The following B4GALNT3 variants were observed in gnomAD, a reference collection of about 807,000 sequenced individuals.
The protein encoded by B4GALNT3 is beta-1,4-N-acetyl-galactosaminyltransferase 3.
A neutral mutation model predicts 120.2 loss-of-function variants in B4GALNT3; 86 were observed. The observed-to-expected ratio is 0.72, with a 90% CI of 0.60 to 0.86. The LOEUF (loss-of-function observed/expected upper bound fraction) is 0.86. Ranked by LOEUF, B4GALNT3 falls within the 40% of genes least tolerant of loss-of-function variation. The pLI is 0.00. For synonymous variants in B4GALNT3, 518 were observed against 510.4 expected, an observed-to-expected ratio of 1.01 and a Z score of -0.20; for missense variants, 1,167 against 1,298.9, an observed-to-expected ratio of 0.90 and a Z score of 1.56.
At chr12:556,944 T>A in intron 15 of B4GALNT3, 78 bp downstream of exon 15, 1 of 1,430,478 alleles carries the variant, frequency 7.0e-7, no homozygotes, top group East Asian at 2.4e-5. Context: ...CTGCTTGCAC[T>A]GATTTGATCC....
chr12:546,729 G>A lies in B4GALNT3; in HGVS notation c.707+16G>A. On this transcript the variant is annotated intron_variant, in intron 7 of 19. Coordinates refer to ENST00000266383, the MANE Select transcript of B4GALNT3 (RefSeq NM_173593.4). ...AGCCGGTGAGGTGAGTGAGGGTCAG[G>A]ACAGGCGCTGTGGGCGCCTCGGTGC... The A allele has an allele frequency of 6.4e-7, 1 of 1,550,778 alleles. No individual in the cohort carries two copies. The highest frequency in any genetic ancestry group is 8.7e-7 in the Non-Finnish European group (1 of 1,146,434).
intron 1 of B4GALNT3, among the ~76,000 whole-genome samples, chr12:462,350 A>T (rs1946029921): frequency 6.8e-6 from 1 of 146,376 alleles, no homozygotes; most frequent in East Asian, 2.0e-4. Context: ...CCCTCTCCTC[A>T]CTTTTCTTTT....
At chr12:547,176 G>A (rs1947018806) in intron 7 of B4GALNT3, among the ~76,000 whole-genome samples, 1 of 151,878 alleles carries the variant, frequency 6.6e-6, no homozygotes, top group Non-Finnish European at 1.5e-5. Flanking sequence ...GGGCGTTGCT[G>A]GACGTTGCTG....
rs760087546 is a variant in B4GALNT3 at position 549,799 on chromosome 12, G to A, written c.884G>A (p.Gly295Asp). ...ACGTTCCTACAGATGGATGAGGTGG[G>A]CCACATCCCACAGACAGCAGCCAGC... ...NETFLQMDEV[G>D]HIPQTAASHV... The change falls in exon 10 of 20, where the codon GGC becomes GAC. Residue 295 changes from glycine to aspartate, a missense_variant. Physicochemically the swap from Gly to Asp is moderately conservative, Grantham distance 94. Coordinates refer to ENST00000266383, the MANE Select transcript of B4GALNT3 (RefSeq NM_173593.4). 2 of 1,613,572 alleles carry A rather than the reference G, an allele frequency of 1.2e-6. No individual in the cohort carries two copies. Among genetic ancestry groups the A allele is most frequent in the South Asian group, 1.1e-5 (1 of 91,086 alleles).
chr12:538,822 C>G (rs1420823162), intron 3 of B4GALNT3, among the ~76,000 whole-genome samples: 1 of 152,178 alleles, frequency 6.6e-6, no homozygotes, highest in Non-Finnish European at 1.5e-5. Flanking sequence ...TCCAGCCCAG[C>G]CTTGCAGTCT....
intron 1 of B4GALNT3, among the ~76,000 whole-genome samples, chr12:462,430 C>T (rs1463663361): frequency 6.7e-6 from 1 of 150,200 alleles, no homozygotes; most frequent in Non-Finnish European, 1.5e-5. Context: ...CTCTGGCCCT[C>T]GACCTCTGCC....
intron 3 of B4GALNT3, among the ~76,000 whole-genome samples, chr12:538,879 G>T (rs1946887604): frequency 6.6e-6 from 1 of 152,146 alleles, no homozygotes; most frequent in African/African-American, 2.4e-5. Context: ...CCTGTCCTTG[G>T]CCAGCAGGAA....
intron 14 of B4GALNT3, among the ~76,000 whole-genome samples, chr12:554,560 G>T (rs922193543): frequency 6.6e-6 from 1 of 151,974 alleles, no homozygotes; most frequent in African/African-American, 2.4e-5. Context: ...GGAGGCCGAG[G>T]CGGGCGGATC....
chr12:511,172 G>C, intron 1 of B4GALNT3, among the ~76,000 whole-genome samples: 1 of 151,322 alleles, frequency 6.6e-6, no homozygotes, highest in East Asian at 1.9e-4. Flanking sequence ...TGAACTACAG[G>C]CGTGTGCCAC....
chr12:557,499 G>A lies in B4GALNT3; in HGVS notation c.2381-109G>A, dbSNP rs934000531. ...GCAGAGTTGCACTGTCCCCTCAGCC[G>A]AGGTCCGATGGGCACTCCTGACTCA... On this transcript the variant is annotated intron_variant, in intron 15 of 19. Coordinates refer to ENST00000266383, the MANE Select transcript of B4GALNT3 (RefSeq NM_173593.4). The A allele has an allele frequency of 4.3e-5, 49 of 1,127,714 alleles. No individual in the cohort carries two copies. In the Middle Eastern group the frequency reaches 8.8e-4, roughly 20 times the overall value. The allele number at this position is 1,127,714 out of a possible 1,614,324, so 69.9% of individuals were successfully genotyped here.
chr12:471,358 G>A (rs531867695), intron 1 of B4GALNT3, among the ~76,000 whole-genome samples: 75 of 149,446 alleles, frequency 5.0e-4, no homozygotes, highest in Non-Finnish European at 8.4e-4. Flanking sequence ...GCACTCCAAC[G>A]TGGGTGACAG....
intron 1 of B4GALNT3, among the ~76,000 whole-genome samples, chr12:469,039 C>G (rs951900830): frequency 3.9e-5 from 6 of 152,126 alleles, no homozygotes; most frequent in African/African-American, 1.4e-4. Flanking sequence ...TTTTGTAAAC[C>G]TTGAGTGGCT....
chr12:513,212 C>CTTCCACCTTCCACCTTCGA (rs1946616651), intron 1 of B4GALNT3, among the ~76,000 whole-genome samples: 1 of 150,448 alleles, frequency 6.6e-6, no homozygotes, highest in African/African-American at 2.5e-5. Flanking sequence ...CTTCCACCTT[C>CTTCCACCTTCCACCTTCGA]CACTACCGTT....
Position 552,600 on chromosome 12 carries a change from C to T in B4GALNT3, c.1270+72C>T, listed in dbSNP as rs551629615. The T allele has an allele frequency of 2.6e-5, 37 of 1,445,968 alleles. No individual in the cohort carries two copies. The South Asian group carries it at 3.1e-4, about 12-fold the overall frequency. The allele number at this position is 1,445,968 out of a possible 1,614,324, so 89.6% of individuals were successfully genotyped here. ...CCATGGTCTGTTTCCAGGGGATGTTCAGACCGTGCCAGCCCCGCCCCTGAG... is the reference window on the plus strand; with the variant it reads ...CCATGGTCTGTTTCCAGGGGATGTTTAGACCGTGCCAGCCCCGCCCCTGAG... On this transcript the variant is annotated intron_variant, in intron 13 of 19. Coordinates refer to ENST00000266383, the MANE Select transcript of B4GALNT3 (RefSeq NM_173593.4).
chr12:468,316 TA>T (rs1308250389), intron 1 of B4GALNT3, among the ~76,000 whole-genome samples: 1 of 152,196 alleles, frequency 6.6e-6, no homozygotes, highest in Non-Finnish European at 1.5e-5. Flanking sequence ...AGTCTGGATT[TA>T]AAAACTTAAA....
At chr12:505,948 C>A (rs1416977661) in intron 1 of B4GALNT3, among the ~76,000 whole-genome samples, 1 of 152,176 alleles carries the variant, frequency 6.6e-6, no homozygotes, top group African/African-American at 2.4e-5. Flanking sequence ...TTTTTGTCTT[C>A]TTTCATTTGC....
intron 14 of B4GALNT3, among the ~76,000 whole-genome samples, chr12:556,071 C>CCG (rs1565612044): frequency 4.8e-4 from 73 of 152,330 alleles, no homozygotes; most frequent in African/African-American, 5.0e-4. Context: ...GTGTGAGCCA[C>CCG]TGCACCTGGC....
chr12:486,647 A>C (rs559918002), intron 1 of B4GALNT3, among the ~76,000 whole-genome samples: 78 of 152,302 alleles, frequency 5.1e-4, no homozygotes, highest in Middle Eastern at 3.4e-3. Flanking sequence ...AGTGGGGAGA[A>C]GTCTGATGTA....
intron 14 of B4GALNT3, chr12:555,492 G>T (rs915041513): frequency 9.9e-6 from 4 of 404,998 alleles, no homozygotes; most frequent in African/African-American, 8.3e-5. Context: ...TCCGTTGAAG[G>T]ACATGTGGGT....
Sources: allele counts gnomAD v4.1 joint callset (sites outside exome capture counted in the v4.1 genomes callset), GRCh38; gene constraint gnomAD v4.1.1; transcripts MANE v1.5; gene names NCBI Gene and HGNC (gene_info 2026-07-23, HGNC 2026-07-21).